The following TRPC4 variants were observed in gnomAD, a reference collection of about 807,000 sequenced individuals.
The protein encoded by TRPC4 is transient receptor potential cation channel subfamily C member 4.
A neutral mutation model predicts 99.4 loss-of-function variants in TRPC4; 49 were observed. The observed-to-expected ratio is 0.49, with a 90% confidence interval of 0.39 to 0.63. The LOEUF (loss-of-function observed/expected upper bound fraction) is 0.63. TRPC4 is among the 20% of genes least tolerant of loss of function. TRPC4 has a pLI of 0.00. For synonymous variants in TRPC4, 454 were observed against 425.9 expected (o/e 1.07, Z -0.81); for missense variants, 898 against 1,152.9 (o/e 0.78, Z 3.20).
intron 4 of TRPC4, among the ~76,000 whole-genome samples, chr13:37,676,744 G>C (rs957978729): frequency 2.6e-5 from 4 of 151,972 alleles, no homozygotes; most frequent in African/African-American, 9.6e-5. Context: ...AACACAAATA[G>C]CTCTAAGAAA....
chr13:37,685,234 A>T (rs1953424309), intron 4 of TRPC4, among the ~76,000 whole-genome samples: 1 of 152,210 alleles, frequency 6.6e-6, no homozygotes, highest in Non-Finnish European at 1.5e-5. Context: ...AAGTACGGAC[A>T]CACGTTCTGA....
At chr13:37,665,727 T>C (rs1438683996) in intron 5 of TRPC4, among the ~76,000 whole-genome samples, 1 of 151,898 alleles carries the variant, frequency 6.6e-6, no homozygotes, top group African/African-American at 2.4e-5. Context: ...TTGCTTTAGG[T>C]TTAACATCCA....
At chr13:37,638,196 C>G (rs979009488) in intron 10 of TRPC4, among the ~76,000 whole-genome samples, 4 of 152,028 alleles carry the variant, frequency 2.6e-5, no homozygotes, top group African/African-American at 9.7e-5. Context: ...TTTGGGACAA[C>G]TGAATTCTCA....
intron 4 of TRPC4, among the ~76,000 whole-genome samples, chr13:37,688,054 T>G (rs551647867): frequency 2.0e-5 from 3 of 152,372 alleles, no homozygotes; most frequent in East Asian, 1.9e-4. Context: ...TTTTTGGCTT[T>G]CTTTCTTATA....
chr13:37,640,012 A>T (rs1951667497), intron 8 of TRPC4, among the ~76,000 whole-genome samples: 1 of 151,884 alleles, frequency 6.6e-6, no homozygotes, highest in Admixed American at 6.6e-5. Flanking sequence ...AAATCCCATT[A>T]TGAGTTGAGT....
intron 7 of TRPC4, among the ~76,000 whole-genome samples, chr13:37,652,395 A>G (rs1952075683): frequency 6.6e-6 from 1 of 152,224 alleles, no homozygotes; most frequent in South Asian, 2.1e-4. Context: ...GTGCGGATGA[A>G]TAAGTTATGC....
intron 1 of TRPC4, among the ~76,000 whole-genome samples, chr13:37,790,367 T>C (rs1045310560): frequency 2.6e-5 from 4 of 151,970 alleles, no homozygotes; most frequent in Non-Finnish European, 4.4e-5. Context: ...GGAGGGAAAA[T>C]AGCACATCCC....
intron 3 of TRPC4, among the ~76,000 whole-genome samples, chr13:37,736,369 C>G (rs181121031): frequency 6.6e-6 from 1 of 152,284 alleles, no homozygotes; most frequent in East Asian, 1.9e-4. Context: ...GGAGAGAAAA[C>G]TTAGCTACAG....
chr13:37,755,254 A>C (rs1593667016), intron 2 of TRPC4, among the ~76,000 whole-genome samples: 1 of 150,646 alleles, frequency 6.6e-6, no homozygotes, highest in East Asian at 1.9e-4. Context: ...TACATGTCCT[A>C]ACCTGGCTCT....
At chr13:37,822,078 T>C (rs927508484) in intron 1 of TRPC4, among the ~76,000 whole-genome samples, 4 of 151,952 alleles carry the variant, frequency 2.6e-5, no homozygotes, top group Non-Finnish European at 4.4e-5. Context: ...AGGTCTAATA[T>C]CCAGAATATA....
At chr13:37,860,707 G>A (rs1189938246) in intron 1 of TRPC4, among the ~76,000 whole-genome samples, 1 of 151,346 alleles carries the variant, frequency 6.6e-6, no homozygotes, top group Non-Finnish European at 1.5e-5. Flanking sequence ...CCTACATATG[G>A]AAGTACCCTA....
intron 8 of TRPC4, among the ~76,000 whole-genome samples, chr13:37,642,359 G>C (rs948163111): frequency 1.3e-5 from 2 of 152,156 alleles, no homozygotes; most frequent in Non-Finnish European, 2.9e-5. Flanking sequence ...CTGGCTAGGG[G>C]TTCCAGCCTA....
At chr13:37,780,520 C>G (rs2139336946) in intron 2 of TRPC4, among the ~76,000 whole-genome samples, 1 of 152,098 alleles carries the variant, frequency 6.6e-6, no homozygotes, top group East Asian at 1.9e-4. Flanking sequence ...TCAATGATCA[C>G]AAGAATGAGG....
rs374449501 is a variant in TRPC4, at chr13:37,637,433, G to C, written c.2404C>G (p.Leu802Val). The change falls in exon 11 of 11, where the codon CTG (leucine) becomes GTG (valine). Residue 802 changes from leucine to valine, a missense_variant. Leu to Val is a conservative substitution (Grantham distance 32). Around this residue, in one of 3 missense-constraint regions of TRPC4, gnomAD observed 346 missense variants for 351.4 expected, o/e 0.98. Transcript: ENST00000379705. ...KNFSLFDLTT[L>V]IHPRSAAIAS... ...ATTGCTGCTGATCTCGGATGAATCA[G>C]GGTGGTTAAATCAAAAAGGCTGAAA... 6 of 1,613,582 alleles carry C rather than the reference G, an allele frequency of 3.7e-6. No homozygotes were observed. In the African/African-American group the frequency reaches 6.7e-5, roughly 18 times the overall value.
At chr13:37,688,486 T>G (rs1953568450) in intron 4 of TRPC4, among the ~76,000 whole-genome samples, 1 of 152,138 alleles carries the variant, frequency 6.6e-6, no homozygotes, top group Non-Finnish European at 1.5e-5. Context: ...AGAAATTGGT[T>G]TGAAAGGTTA....
At chr13:37,676,912 G>C (rs1953075433) in intron 4 of TRPC4, among the ~76,000 whole-genome samples, 1 of 137,378 alleles carries the variant, frequency 7.3e-6, no homozygotes, top group African/African-American at 2.7e-5. Context: ...TTTATGTCCA[G>C]AAATGTGTGT....
intron 6 of TRPC4, among the ~76,000 whole-genome samples, chr13:37,658,896 AG>A (rs1952335782): frequency 6.6e-6 from 1 of 152,054 alleles, no homozygotes; most frequent in South Asian, 2.1e-4. Context: ...GGAGAAGACC[AG>A]AAAAGGCCTC....
chr13:37,703,885 T>G (rs1954183347), intron 3 of TRPC4, among the ~76,000 whole-genome samples: 1 of 152,068 alleles, frequency 6.6e-6, no homozygotes, highest in Admixed American at 6.5e-5. Flanking sequence ...AAATAAAAAT[T>G]TATATACATA....
chr13:37,724,980 T>C (rs1185083965), intron 3 of TRPC4, among the ~76,000 whole-genome samples: 1 of 152,082 alleles, frequency 6.6e-6, no homozygotes, highest in Non-Finnish European at 1.5e-5. Flanking sequence ...CTTTAAAACA[T>C]CTGTCTTGAA....
Sources: gnomAD v4.1 joint callset for allele counts (sites outside exome capture counted in the v4.1 genomes callset) on GRCh38, gnomAD v4.1.1 for gene constraint, gnomAD v4.1.1 regional missense constraint, MANE v1.5 for transcripts, NCBI Gene and HGNC (gene_info 2026-07-23, HGNC 2026-07-21) for gene names.